TMEM214: variants seen among roughly 807,000 people sequenced by gnomAD.
TMEM214 encodes the protein transmembrane protein 214.
TMEM214 carries 71 observed loss-of-function variants against 89.8 expected under a neutral mutation model. That is an observed-to-expected ratio of 0.79 (90% CI 0.65 to 0.96). The LOEUF (loss-of-function observed/expected upper bound fraction) is 0.96, where lower values mean the gene tolerates loss of function less well. TMEM214 is among the 40% of genes least tolerant of loss of function. TMEM214 has a pLI of 0.00. For synonymous variants in TMEM214, 332 were observed against 349.5 expected, an observed-to-expected ratio of 0.95 and a Z score of 0.56; for missense variants, 754 against 843.4, an observed-to-expected ratio of 0.89 and a Z score of 1.31.
At chr2:27,037,816 T>A in intron 9 of TMEM214, 114 bp downstream of exon 9, 1 of 1,603,346 alleles carries the variant, frequency 6.2e-7, no homozygotes, top group Non-Finnish European at 8.5e-7. Context: ...TTTCCTTAGC[T>A]CCCTGTTGAC....
intron 3 of TMEM214, 60 bp from the exon 4 acceptor site, chr2:27,035,534 A>T: frequency 1.9e-6 from 3 of 1,600,702 alleles, no homozygotes; most frequent in Non-Finnish European, 2.6e-6. Context: ...AGAGCACCAC[A>T]GTTCTCAGAG....
chr2:27,038,234 C>G lies in TMEM214; in HGVS notation c.1241C>G (p.Ser414Cys), dbSNP rs1409695932. The G allele has an allele frequency of 2.5e-6, 4 of 1,613,266 alleles. No homozygotes were observed. The highest frequency in any genetic ancestry group is 3.4e-6 in the Non-Finnish European group (4 of 1,179,316). ...RQLYPKHLSQ[S>C]SLLLEHLLSS... ...CTGTACCCTAAGCACCTGTCACAGT[C>G]CAGGCAGGTGGGGTGGGAGGCCAGC... The change falls in exon 10 of 17, where the codon TCC becomes TGC. Residue 414 changes from serine (S) to cysteine (C), a missense_variant. Physicochemically the swap from Ser to Cys is moderately radical, Grantham distance 112 (BLOSUM62 -1). Transcript: ENST00000238788. The surrounding 1 kb of genome is among the most constrained non-coding windows in gnomAD (Gnocchi z 4.4).
At position 27,036,539 on chromosome 2, in the gene TMEM214, T is replaced by A. The variant is rs1213471970; in HGVS notation, c.773T>A (p.Ile258Asn). 1 of 1,614,082 alleles carries A rather than the reference T, an allele frequency of 6.2e-7. No homozygotes were observed. The highest frequency in any genetic ancestry group is 8.5e-7 in the Non-Finnish European group (1 of 1,180,010). ...AGCCGACCAGCAAAGTGTCTCACCA[T>A]CATGTGGGCCCTGGGTCAAGCAGGT... is the stretch of plus-strand genomic sequence containing the variant. ...HQSRPAKCLT[I>N]MWALGQAGFA... Residue 258 changes from isoleucine (I) to asparagine (N), a missense_variant, in exon 6 of 17, where the codon ATC (isoleucine) becomes AAC (asparagine). Coordinates refer to ENST00000238788, the MANE Select transcript of TMEM214 (RefSeq NM_017727.5).
Position 27,040,476 on chromosome 2 carries a change from GCACTGCCATGAGGCATGC to G in TMEM214, c.1924_1941del (p.His642_Cys647del). ...TTGAGGCCCTGGCCTGGGCCCAGGA[GCACTGCCATGAGGCATGC>G]AGGTGAGACCTTTGCCCAGGGCTCC... is the stretch of plus-strand genomic sequence containing the variant. On this transcript the variant is annotated inframe_deletion and splice_region_variant, in exon 16 of 17. Coordinates refer to ENST00000238788, the MANE Select transcript of TMEM214 (RefSeq NM_017727.5). The G allele has an allele frequency of 6.2e-7, 1 of 1,613,910 alleles. No homozygotes were observed. The highest frequency in any genetic ancestry group is 8.5e-7 in the Non-Finnish European group (1 of 1,180,036).
Position 27,034,277 on chromosome 2 carries a change from C to G in TMEM214, c.351+11C>G. The G allele has an allele frequency of 1.9e-6, 3 of 1,612,496 alleles. No homozygotes were observed. Among genetic ancestry groups the G allele is most frequent in the Non-Finnish European group, 1.7e-6 (2 of 1,179,736 alleles). ...GAAGCACTGAAAGCTGTGAGTGTGC[C>G]TAGACATGAGACGCAGAAAGAATGG... On this transcript the variant is annotated intron_variant, in intron 2 of 16. Coordinates refer to ENST00000238788, the MANE Select transcript of TMEM214 (RefSeq NM_017727.5).
At chr2:27,036,348 C>A in intron 5 of TMEM214, 139 bp from the exon 6 acceptor site, 1 of 781,330 alleles carries the variant, frequency 1.3e-6, no homozygotes, top group Non-Finnish European at 2.2e-6. Flanking sequence ...ACAGAACCTG[C>A]ACCACGTGGC....
intron 1 of TMEM214, 151 bp from the exon 2 acceptor site, chr2:27,033,916 C>T: frequency 1.2e-6 from 1 of 806,332 alleles, no homozygotes; most frequent in Non-Finnish European, 2.0e-6. Flanking sequence ...ACAGCCTGCC[C>T]TGCTCCTTAA....
At chr2:27,033,517 G>T (rs1336201132) in intron 1 of TMEM214, among the ~76,000 whole-genome samples, 1 of 152,156 alleles carries the variant, frequency 6.6e-6, no homozygotes, top group Admixed American at 6.5e-5. Flanking sequence ...AGGTACTGTG[G>T]ATCATTATAC....
chr2:27,039,738 T>C lies in TMEM214; in HGVS notation c.1526-3T>C. The C allele has an allele frequency of 1.9e-6, 3 of 1,614,060 alleles. No homozygotes were observed. The highest frequency in any genetic ancestry group is 2.5e-6 in the Non-Finnish European group (3 of 1,179,910). ...CAGCTCACCAGAGGCCCCCTTTACTTAGCCTCCCTTACTGGCCGGTTGCTT... is the reference window on the plus strand; with the variant it reads ...CAGCTCACCAGAGGCCCCCTTTACTCAGCCTCCCTTACTGGCCGGTTGCTT... On this transcript the variant is annotated splice_polypyrimidine_tract_variant and splice_region_variant and intron_variant, in intron 13 of 16. Coordinates refer to ENST00000238788, the MANE Select transcript of TMEM214 (RefSeq NM_017727.5).
rs1291407492 is a variant in TMEM214, at chr2:27,035,581, C to T, written c.503-13C>T. On this transcript the variant is annotated splice_polypyrimidine_tract_variant and intron_variant, in intron 3 of 16. Coordinates refer to ENST00000238788, the MANE Select transcript of TMEM214 (RefSeq NM_017727.5). ...CTGGTCCTAGCACTCACATTGAGGCCTATGGGCCTTAGATTATCCCTACAG... is the reference window on the plus strand; with the variant it reads ...CTGGTCCTAGCACTCACATTGAGGCTTATGGGCCTTAGATTATCCCTACAG... 6.2e-7 allele frequency: 1 copy of T among 1,613,960 alleles called. No individual in the cohort carries two copies. Among genetic ancestry groups the T allele is most frequent in the Admixed American group, 1.7e-5 (1 of 60,002 alleles).
Position 27,039,907 on chromosome 2 carries a change from C to T in TMEM214, c.1622+70C>T. On this transcript the variant is annotated intron_variant, in intron 14 of 16. Transcript: ENST00000238788. ...GGCCTGGGTGTCAGGGAGGAGGCGA[C>T]AGTCAGTGGGAAGCGCTTGTGATTC... 7 of 1,580,570 alleles carry T rather than the reference C, an allele frequency of 4.4e-6. No individual in the cohort carries two copies. In the Admixed American group the frequency reaches 1.2e-4, roughly 27 times the overall value.
At chr2:27,037,443 G>A in intron 8 of TMEM214, 118 bp from the exon 9 acceptor site, 1 of 1,293,670 alleles carries the variant, frequency 7.7e-7, no homozygotes, top group Non-Finnish European at 1.1e-6. Flanking sequence ...CAGAGCCATT[G>A]CAAGGTCCTC....
At chr2:27,036,462 C>T in intron 5 of TMEM214, 25 bp from the exon 6 acceptor site, 1 of 1,594,722 alleles carries the variant, frequency 6.3e-7, no homozygotes, top group South Asian at 1.1e-5. Flanking sequence ...CTATCCCAAT[C>T]TGCCTTCCCC....
In TMEM214 at chr2:27,038,769, G is replaced by T; in HGVS notation, c.1361G>T (p.Gly454Val). ...ACCAACCAGGAGCTGCTGAGGAAGG[G>T]TAGCAGTAACAACCAGGATGTCGTC... ...KLTNQELLRKGSSNNQDVVTC... is the reference protein window; with the variant it reads ...KLTNQELLRKVSSNNQDVVTC... The change falls in exon 12 of 17, where the codon GGT becomes GTT. Residue 454 changes from glycine to valine, a missense_variant. Coordinates refer to ENST00000238788, the MANE Select transcript of TMEM214 (RefSeq NM_017727.5). This position sits in a 1 kb window ranked among gnomAD's most constrained non-coding sequence, Gnocchi z 4.4. 1 of 1,614,188 alleles carries T rather than the reference G, an allele frequency of 6.2e-7. No individual in the cohort carries two copies. Among genetic ancestry groups the T allele is most frequent in the Non-Finnish European group, 8.5e-7 (1 of 1,180,026 alleles).
At chr2:27,039,265 C>A in intron 13 of TMEM214, 101 bp downstream of exon 13, 2 of 1,001,700 alleles carry the variant, frequency 2.0e-6, no homozygotes, top group Non-Finnish European at 3.0e-6. Flanking sequence ...TTTGTCCTGA[C>A]GAGTTCTCAA....
At chr2:27,040,683 A>G in intron 16 of TMEM214, 28 bp from the exon 17 acceptor site, 1 of 1,611,172 alleles carries the variant, frequency 6.2e-7, no homozygotes, top group Non-Finnish European at 8.5e-7. Context: ...TCACGTGCAT[A>G]CTCAAAAATG....
rs866636317 is a variant in TMEM214 at position 27,033,000 on chromosome 2, G to C, written c.-16G>C. 1 of 1,245,904 alleles carries C rather than the reference G, an allele frequency of 8.0e-7. No individual in the cohort carries two copies. Among genetic ancestry groups the C allele is most frequent in the Non-Finnish European group, 1.0e-6 (1 of 987,628 alleles). 77.2% of individuals were successfully genotyped at this position (1,245,904 alleles called of 1,614,324 possible). A position where few individuals can be genotyped will look rare whatever the true frequency, so the allele number is the denominator to read the frequency against. On this transcript the variant is annotated 5_prime_UTR_variant, in exon 1 of 17. Coordinates refer to ENST00000238788, the MANE Select transcript of TMEM214 (RefSeq NM_017727.5). ...GGAAAGCCGGGGAAGTGGCCGAGGAGGGAGGGCTGCGAGCCATGGCGACCA... is the reference window on the plus strand; with the variant it reads ...GGAAAGCCGGGGAAGTGGCCGAGGACGGAGGGCTGCGAGCCATGGCGACCA...
At position 27,038,779 on chromosome 2, in the gene TMEM214, C is replaced by G; in HGVS notation, c.1371C>G (p.Asn457Lys). The change falls in exon 12 of 17, where the codon AAC becomes AAG. Residue 457 changes from asparagine to lysine, a missense_variant. Transcript: ENST00000238788. This position sits in a 1 kb window ranked among gnomAD's most constrained non-coding sequence, Gnocchi z 4.4. ...NQELLRKGSSNNQDVVTCDMA... is the reference protein window; with the variant it reads ...NQELLRKGSSKNQDVVTCDMA... Reference sequence around the variant, plus strand: ...AGCTGCTGAGGAAGGGTAGCAGTAACAACCAGGATGTCGTCACCTGTGACA... The same window carrying G: ...AGCTGCTGAGGAAGGGTAGCAGTAAGAACCAGGATGTCGTCACCTGTGACA... 1 of 1,614,192 alleles carries G rather than the reference C, an allele frequency of 6.2e-7. No individual in the cohort carries two copies. Among genetic ancestry groups the G allele is most frequent in the African/African-American group, 1.3e-5 (1 of 75,062 alleles).
In TMEM214 at chr2:27,033,066, TCGGCGGCCTGGGGTCGGCGCCGGCGC is replaced by T. The variant is rs1398555229; in HGVS notation, c.60_85del (p.Gly21ArgfsTer32). ...GGCGGTGGGAGGTAGTGAAGAAGGG[TCGGCGGCCTGGGGTCGGCGCCGGCGC>T]CGGCGGCCGAGGAGGCGGCAGGAAC... On this transcript the variant is annotated frameshift_variant, in exon 1 of 17. Coordinates refer to ENST00000238788, the MANE Select transcript of TMEM214 (RefSeq NM_017727.5). LOFTEE classifies it high-confidence loss of function. 4.8e-6 allele frequency: 6 copies of T among 1,246,246 alleles called. No homozygotes were observed. The highest frequency in any genetic ancestry group is 1.6e-5 in the African/African-American group (1 of 64,078). 77.2% of individuals were successfully genotyped at this position (1,246,246 alleles called of 1,614,324 possible).
Sources: gnomAD v4.1 joint callset for allele counts (sites outside exome capture counted in the v4.1 genomes callset) on GRCh38, gnomAD v4.1.1 for gene constraint, Gnocchi (gnomAD v3.1) non-coding constraint, MANE v1.5 for transcripts, NCBI Gene and HGNC (gene_info 2026-07-23, HGNC 2026-07-21) for gene names.